HPSE2: variants seen among roughly 807,000 people sequenced by gnomAD.
HPSE2 encodes inactive heparanase-2.
In HPSE2, 38 loss-of-function variants were observed where a neutral mutation model predicts 60.5. The ratio of observed to expected loss-of-function variants is 0.63; its 90% CI spans 0.48 to 0.82. The LOEUF (loss-of-function observed/expected upper bound fraction) is 0.82, where lower values mean the gene tolerates loss of function less well. Among genes scored for constraint, HPSE2 ranks in the 40% least tolerant of loss-of-function variants. HPSE2 has a pLI of 0.00. For synonymous variants in HPSE2, 295 were observed against 293.2 expected, an observed-to-expected ratio of 1.01 and a Z score of -0.06; for missense variants, 713 against 740.4, an observed-to-expected ratio of 0.96 and a Z score of 0.43.
chr10:98,618,722 G>A (rs867221448), intron 8 of HPSE2, among the ~76,000 whole-genome samples: 4 of 152,082 alleles, frequency 2.6e-5, no homozygotes, highest in South Asian at 2.1e-4. Context: ...GACTACAGGC[G>A]CATGCCACCA....
intron 2 of HPSE2, among the ~76,000 whole-genome samples, chr10:99,216,542 A>T (rs1254332735): frequency 1.3e-5 from 2 of 152,156 alleles, no homozygotes; most frequent in Non-Finnish European, 2.9e-5. Flanking sequence ...TAATAACAAC[A>T]GTAAATTTGT....
At chr10:98,521,768 T>G (rs1591308286) in intron 9 of HPSE2, among the ~76,000 whole-genome samples, 1 of 152,286 alleles carries the variant, frequency 6.6e-6, no homozygotes, top group East Asian at 1.9e-4. Flanking sequence ...GATTAAGATA[T>G]GTGGCACATA....
intron 3 of HPSE2, among the ~76,000 whole-genome samples, chr10:99,139,446 A>G (rs1298178999): frequency 6.6e-6 from 1 of 152,176 alleles, no homozygotes; most frequent in East Asian, 1.9e-4. Context: ...TTTTAAATAA[A>G]TAAATAATAA....
At chr10:98,686,463 A>G (rs1278834861) in intron 6 of HPSE2, among the ~76,000 whole-genome samples, 1 of 152,140 alleles carries the variant, frequency 6.6e-6, no homozygotes, top group Non-Finnish European at 1.5e-5. Flanking sequence ...TTGCAGTGGC[A>G]TGATCATAGC....
intron 9 of HPSE2, among the ~76,000 whole-genome samples, chr10:98,512,962 C>G (rs1435788837): frequency 6.6e-6 from 1 of 152,160 alleles, no homozygotes; most frequent in Admixed American, 6.6e-5. Flanking sequence ...CATATGTTCT[C>G]ACAGAACCAT....
intron 3 of HPSE2, among the ~76,000 whole-genome samples, chr10:99,011,587 C>G (rs1388484165): frequency 6.6e-6 from 1 of 151,786 alleles, no homozygotes; most frequent in Non-Finnish European, 1.5e-5. Context: ...GAAACCCCAT[C>G]TCTACTAAAA....
the HPSE2 span, among the ~76,000 whole-genome samples, chr10:99,291,598 A>G: frequency 3.3e-5 from 5 of 152,074 alleles, no homozygotes; most frequent in South Asian, 1.0e-3. Context: ...AAAAAAAAAA[A>G]AAAGAATCAC....
intron 3 of HPSE2, among the ~76,000 whole-genome samples, chr10:99,114,387 C>T (rs988814784): frequency 6.6e-6 from 1 of 152,186 alleles, no homozygotes; most frequent in Admixed American, 6.5e-5. Context: ...CTCTAAGAAA[C>T]TGCTTCTCAT....
At chr10:99,059,096 T>C (rs1958177761) in intron 3 of HPSE2, among the ~76,000 whole-genome samples, 1 of 152,236 alleles carries the variant, frequency 6.6e-6, no homozygotes, top group African/African-American at 2.4e-5. Flanking sequence ...TTTGATTTTT[T>C]TCAATCATTT....
At chr10:98,895,851 T>C (rs1005326901) in intron 3 of HPSE2, among the ~76,000 whole-genome samples, 23 of 144,714 alleles carry the variant, frequency 1.6e-4, no homozygotes, top group African/African-American at 2.1e-4. Flanking sequence ...AACCAAACAC[T>C]GCATGTTCTC....
intron 9 of HPSE2, among the ~76,000 whole-genome samples, chr10:98,604,139 T>C (rs556778057): frequency 8.5e-5 from 13 of 152,072 alleles, no homozygotes; most frequent in African/African-American, 2.9e-4. Flanking sequence ...AAAACACAGT[T>C]TGAAGAAACA....
chr10:98,929,017 A>C lies in HPSE2; in HGVS notation c.611-184961T>G, dbSNP rs147004292. ...AAATAAATAAATAAATAAATAAATAAATATTTTTTAGTCTCAAAAATAAAA... is the reference window on the plus strand; with the variant it reads ...AAATAAATAAATAAATAAATAAATACATATTTTTTAGTCTCAAAAATAAAA... On this transcript the variant is annotated intron_variant, in intron 3 of 11. Transcript: ENST00000370552. Among the ~76,000 whole-genome samples the C allele has an allele frequency of 1.4e-4, 19 of 136,838 alleles. 1 individual carries two copies. In the East Asian group the frequency reaches 3.6e-3, roughly 26 times the overall value. The allele number at this position is 136,838 out of a possible 152,430, so 89.8% of individuals were successfully genotyped here. A position where few individuals can be genotyped will look rare whatever the true frequency, so the allele number is the denominator to read the frequency against.
rs561472994 is a variant in HPSE2, at chr10:98,508,197, G to T, written c.1321-18001C>A. Among the ~76,000 whole-genome samples the T allele has an allele frequency of 1.3e-3, 199 of 152,210 alleles. 7 individuals carry two copies. Among genetic ancestry groups the T allele is most frequent in the Non-Finnish European group, 4.0e-4 (27 of 68,034 alleles). On this transcript the variant is annotated intron_variant, in intron 9 of 11. Coordinates refer to ENST00000370552, the MANE Select transcript of HPSE2 (RefSeq NM_021828.5). The stretch of plus-strand genomic sequence containing the variant: ...GAAGAAAAATAGTGTCCATTTATTA[G>T]TTGGAAAGGGAAAACTAATAGCAGA...
At chr10:99,131,864 C>A (rs1845399108) in intron 3 of HPSE2, among the ~76,000 whole-genome samples, 1 of 151,960 alleles carries the variant, frequency 6.6e-6, no homozygotes, top group African/African-American at 2.4e-5. Flanking sequence ...GTATTCCCAG[C>A]ACTTTGGGAG....
At chr10:99,240,441 C>T (rs7912252), upstream of HPSE2, among the ~76,000 whole-genome samples, 3,397 of 143,962 alleles carry the variant, frequency 0.024, 145 homozygotes, top group African/African-American at 0.083. Context: ...GACAGAGTCT[C>T]ACTCTGTCAC....
At chr10:99,093,804 G>C (rs907785340) in intron 3 of HPSE2, among the ~76,000 whole-genome samples, 1 of 152,068 alleles carries the variant, frequency 6.6e-6, no homozygotes, top group African/African-American at 2.4e-5. Context: ...ACTATAGCAG[G>C]CATGTAGAGA....
intron 3 of HPSE2, among the ~76,000 whole-genome samples, chr10:98,846,750 T>G (rs1952044650): frequency 6.6e-6 from 1 of 152,220 alleles, no homozygotes. Context: ...TTTCTCTTCT[T>G]TTTTAGATAC....
intron 9 of HPSE2, among the ~76,000 whole-genome samples, chr10:98,529,896 A>G (rs1046087535): frequency 6.6e-6 from 1 of 151,956 alleles, no homozygotes; most frequent in Non-Finnish European, 1.5e-5. Flanking sequence ...TCTAACTTTC[A>G]CCTGGATTTA....
chr10:98,633,419 A>G (rs10160152), intron 7 of HPSE2, among the ~76,000 whole-genome samples: 13,184 of 151,814 alleles, frequency 0.087, 1,351 homozygotes, highest in African/African-American at 0.24. Flanking sequence ...TTGAAATGTT[A>G]CCCAGGTTGG....
Sources: gnomAD v4.1 joint callset for allele counts (sites outside exome capture counted in the v4.1 genomes callset) on GRCh38, gnomAD v4.1.1 for gene constraint, MANE v1.5 for transcripts, NCBI Gene and HGNC (gene_info 2026-07-23, HGNC 2026-07-21) for gene names.